PCDHGA12: variants seen among roughly 807,000 people sequenced by gnomAD.
PCDHGA12 encodes the protein protocadherin gamma-A12.
In PCDHGA12, 43 loss-of-function variants were observed where a neutral mutation model predicts 61.1. That is an observed-to-expected ratio of 0.70 (90% CI 0.55 to 0.91). PCDHGA12 has a LOEUF of 0.91. PCDHGA12 is among the 40% of genes least tolerant of loss of function. PCDHGA12 has a pLI of 0.00. For synonymous variants in PCDHGA12, 520 were observed against 542.9 expected (o/e 0.96, Z 0.59); for missense variants, 1,236 against 1,227.7 (o/e 1.01, Z -0.10).
chr5:141,477,169 G>A lies in PCDHGA12; in HGVS notation c.2425-17638G>A. 6.2e-7 allele frequency: 1 copy of A among 1,614,198 alleles called. No individual in the cohort carries two copies. The highest frequency in any genetic ancestry group is 8.5e-7 in the Non-Finnish European group (1 of 1,180,042). The stretch of plus-strand genomic sequence containing the variant: ...TGGATGTGAATGACAACGCCCCGGA[G>A]ATCACAGTCACCTCCGTGTACAGCC... On this transcript the variant is annotated intron_variant, in intron 1 of 3. Transcript: ENST00000252085. The surrounding 1 kb of genome is among the most constrained non-coding windows in gnomAD (Gnocchi z 4.9).
At chr5:141,492,703 G>A (rs2099743198) in intron 1 of PCDHGA12, among the ~76,000 whole-genome samples, 1 of 152,246 alleles carries the variant, frequency 6.6e-6, no homozygotes, top group Non-Finnish European at 1.5e-5. Flanking sequence ...CAACCCAGAA[G>A]CCTCGAGCAG....
intron 2 of PCDHGA12, among the ~76,000 whole-genome samples, chr5:141,496,097 A>C (rs1329818315): frequency 6.6e-6 from 1 of 151,148 alleles, no homozygotes; most frequent in Non-Finnish European, 1.5e-5. Context: ...CCACCCACCA[A>C]CACCCCGCTC....
At chr5:141,433,273 A>T in intron 1 of PCDHGA12, 90 bp downstream of exon 1, 1 of 1,258,988 alleles carries the variant, frequency 7.9e-7, no homozygotes. Flanking sequence ...AGCTCACTGC[A>T]GCCTCAAACT....
chr5:141,494,546 G>A (rs984336435), intron 1 of PCDHGA12, among the ~76,000 whole-genome samples: 7 of 152,152 alleles, frequency 4.6e-5, no homozygotes, highest in African/African-American at 1.2e-4. Context: ...GGAGGAAGGG[G>A]CCATTTCTTT....
At position 141,432,015 on chromosome 5, in the gene PCDHGA12, A is replaced by G. The variant is rs745405194; in HGVS notation, c.1256A>G (p.Asn419Ser). 6.2e-7 allele frequency: 1 copy of G among 1,614,196 alleles called. No individual in the cohort carries two copies. Among genetic ancestry groups the G allele is most frequent in the Admixed American group, 1.7e-5 (1 of 60,032 alleles). Residue 419 changes from asparagine (N) to serine (S), a missense_variant, in exon 1 of 4, where the codon AAC becomes AGC. Coordinates refer to ENST00000252085, the MANE Select transcript of PCDHGA12 (RefSeq NM_003735.3). The surrounding 1 kb of genome is among the most constrained non-coding windows in gnomAD (Gnocchi z 6.0). ...GATAGGGAACAGGTTCCTAGCTACA[A>G]CATCACAGTGACCGCCACTGACCGG... ...VLDREQVPSY[N>S]ITVTATDRGT...
At chr5:141,452,016 A>G (rs988436326) in intron 1 of PCDHGA12, among the ~76,000 whole-genome samples, 5 of 152,084 alleles carry the variant, frequency 3.3e-5, no homozygotes, top group Non-Finnish European at 5.9e-5. Flanking sequence ...TCCAGCCCAC[A>G]CTCTGGGGAG....
chr5:141,477,219 G>A lies in PCDHGA12; in HGVS notation c.2425-17588G>A. ...CCAGTACCCGAGGATGCCCCTCTGG[G>A]GACTGTCATCGCTTTGCTCAGTGTG... On this transcript the variant is annotated intron_variant, in intron 1 of 3. Coordinates refer to ENST00000252085, the MANE Select transcript of PCDHGA12 (RefSeq NM_003735.3). The surrounding 1 kb of genome is among the most constrained non-coding windows in gnomAD (Gnocchi z 4.9). 1 of 1,614,162 alleles carries A rather than the reference G, an allele frequency of 6.2e-7. No homozygotes were observed. The highest frequency in any genetic ancestry group is 8.5e-7 in the Non-Finnish European group (1 of 1,180,038).
At chr5:141,445,109 T>C (rs571834974) in intron 1 of PCDHGA12, among the ~76,000 whole-genome samples, 23 of 152,246 alleles carry the variant, frequency 1.5e-4, no homozygotes, top group Non-Finnish European at 2.8e-4. Flanking sequence ...TCTAATGTTA[T>C]TGTAAATAGT....
intron 1 of PCDHGA12, chr5:141,441,637 C>T (rs1200679247): frequency 4.4e-6 from 1 of 228,574 alleles, no homozygotes; most frequent in South Asian, 4.8e-5. Context: ...GAGCCACAGG[C>T]GCTGTGATTC....
At chr5:141,434,240 T>A (rs979144259) in intron 1 of PCDHGA12, among the ~76,000 whole-genome samples, 1 of 152,336 alleles carries the variant, frequency 6.6e-6, no homozygotes, top group East Asian at 1.9e-4. Flanking sequence ...CTGGACTAGA[T>A]GACTTGGGCA....
intron 1 of PCDHGA12, among the ~76,000 whole-genome samples, chr5:141,436,328 A>G (rs146180035): frequency 6.6e-6 from 1 of 152,326 alleles, no homozygotes; most frequent in East Asian, 1.9e-4. Flanking sequence ...CTGTTAGACC[A>G]TATCTCAAAT....
chr5:141,463,644 G>C (rs1356692609), intron 1 of PCDHGA12, among the ~76,000 whole-genome samples: 1 of 151,596 alleles, frequency 6.6e-6, no homozygotes, highest in Non-Finnish European at 1.5e-5. Context: ...GTAGAGACGG[G>C]GTTTCACCGT....
In PCDHGA12 at chr5:141,485,145, A is replaced by G. The variant is rs766014792; in HGVS notation, c.2425-9662A>G. On this transcript the variant is annotated intron_variant, in intron 1 of 3. Coordinates refer to ENST00000252085, the MANE Select transcript of PCDHGA12 (RefSeq NM_003735.3). The surrounding 1 kb of genome is among the most constrained non-coding windows in gnomAD (Gnocchi z 5.7). Reference sequence around the variant, plus strand: ...GGGTCGGCTTCATCCGCGTCTCAGGAGCAAGTAGAGAATTAGCGGGCGGCA... The same window carrying G: ...GGGTCGGCTTCATCCGCGTCTCAGGGGCAAGTAGAGAATTAGCGGGCGGCA... The G allele has an allele frequency of 4.5e-6, 7 of 1,567,410 alleles. No individual in the cohort carries two copies. Among genetic ancestry groups the G allele is most frequent in the Non-Finnish European group, 6.1e-6 (7 of 1,142,014 alleles).
chr5:141,502,884 A>T (rs2099816871), intron 2 of PCDHGA12, among the ~76,000 whole-genome samples: 1 of 36,804 alleles, frequency 2.7e-5, no homozygotes, highest in African/African-American at 3.5e-4. Context: ...TTTTTTTGAC[A>T]GGGAGTCTAG....
intron 2 of PCDHGA12, among the ~76,000 whole-genome samples, chr5:141,501,690 A>G (rs760011264): frequency 5.3e-5 from 8 of 152,158 alleles, no homozygotes; most frequent in Non-Finnish European, 1.0e-4. Context: ...ACTTATCTGC[A>G]GGGTGATTCC....
At chr5:141,460,465 AAAGG>A (rs2098989932) in intron 1 of PCDHGA12, among the ~76,000 whole-genome samples, 1 of 152,088 alleles carries the variant, frequency 6.6e-6, no homozygotes, top group Non-Finnish European at 1.5e-5. Context: ...ATTTTTTTCC[AAAGG>A]AATATCCAAT....
At position 141,500,368 on chromosome 5, in the gene PCDHGA12, C is replaced by T. The variant is rs181410708; in HGVS notation, c.2484-5025C>T. Among the ~76,000 whole-genome samples, 364 of 152,050 alleles carry T rather than the reference C, an allele frequency of 2.4e-3. 3 individuals carry two copies. The highest frequency in any genetic ancestry group is 9.2e-3 in the Admixed American group (140 of 15,274). ...GGACTACAGGCGCCCACTACCACGCCCGGCTAATTATTTTGTATTTTTAGT... is the reference window on the plus strand; with the variant it reads ...GGACTACAGGCGCCCACTACCACGCTCGGCTAATTATTTTGTATTTTTAGT... On this transcript the variant is annotated intron_variant, in intron 2 of 3. Transcript: ENST00000252085.
chr5:141,470,972 C>T (rs1186771156), intron 1 of PCDHGA12, among the ~76,000 whole-genome samples: 3 of 151,988 alleles, frequency 2.0e-5, no homozygotes, highest in Non-Finnish European at 4.4e-5. Flanking sequence ...CCACCTCAGC[C>T]TCCCAAAGTG....
intron 3 of PCDHGA12, chr5:141,507,313 T>TAC (rs1554192306): frequency 6.7e-6 from 1 of 150,168 alleles, no homozygotes. Context: ...CATAATGTAC[T>TAC]AAAAAAAAAA....
Sources: gnomAD v4.1 joint callset for allele counts (sites outside exome capture counted in the v4.1 genomes callset) on GRCh38, gnomAD v4.1.1 for gene constraint, Gnocchi (gnomAD v3.1) non-coding constraint, MANE v1.5 for transcripts, NCBI Gene and HGNC (gene_info 2026-07-23, HGNC 2026-07-21) for gene names.